CAMKMT: variants seen among roughly 807,000 people sequenced by gnomAD.
CAMKMT encodes the protein calmodulin-lysine N-methyltransferase, also known as CaM KMT.
CAMKMT carries 53 observed loss-of-function variants against 48.0 expected under a neutral mutation model. The observed-to-expected ratio is 1.10, with a 90% confidence interval of 0.89 to 1.39. The LOEUF is 1.39. CAMKMT is among the 40% of genes most tolerant of loss of function. The pLI, the probability that CAMKMT is intolerant of heterozygous loss-of-function variation, is 0.00. For synonymous variants in CAMKMT, 165 were observed against 152.3 expected (o/e 1.08, Z -0.61); for missense variants, 428 against 402.7 (o/e 1.06, Z -0.54).
chr2:44,667,540 C>G (rs1675066528), intron 3 of CAMKMT, among the ~76,000 whole-genome samples: 1 of 152,228 alleles, frequency 6.6e-6, no homozygotes, highest in Non-Finnish European at 1.5e-5. Context: ...GGCTCACTAT[C>G]TTCCTCTTTG....
rs1385100857 is a variant in CAMKMT, at chr2:44,627,528, GAA to G, written c.377-76749_377-76748del. Among the ~76,000 whole-genome samples, 7 of 151,814 alleles carry G rather than the reference GAA, an allele frequency of 4.6e-5. No homozygotes were observed. The East Asian group carries it at 1.2e-3, about 25-fold the overall frequency. On this transcript the variant is annotated intron_variant, in intron 3 of 10. Coordinates refer to ENST00000378494, the MANE Select transcript of CAMKMT (RefSeq NM_024766.5). ...CCATCTGAACCTGGAGTGTGTTTGG[GAA>G]AAAAAGTTTCGTTCACAGATTCAAT...
intron 8 of CAMKMT, among the ~76,000 whole-genome samples, chr2:44,753,562 G>A (rs775394578): frequency 4.6e-5 from 7 of 152,134 alleles, no homozygotes; most frequent in East Asian, 1.9e-4. Flanking sequence ...TAAGTCAGAC[G>A]TTGAATCTAA....
intron 3 of CAMKMT, among the ~76,000 whole-genome samples, chr2:44,535,368 A>T (rs7604006): frequency 0.71 from 108,231 of 152,004 alleles, 39,150 homozygotes; most frequent in Admixed American, 0.77. Context: ...AGGAGGGAAT[A>T]CTCCCCGACT....
intron 3 of CAMKMT, among the ~76,000 whole-genome samples, chr2:44,427,920 A>C (rs1025360573): frequency 2.0e-5 from 3 of 152,176 alleles, no homozygotes; most frequent in Non-Finnish European, 4.4e-5. Flanking sequence ...GAAAGGGAGC[A>C]TACAGGTGAG....
chr2:44,737,185 A>C (rs1008887460), intron 7 of CAMKMT, among the ~76,000 whole-genome samples: 2 of 152,090 alleles, frequency 1.3e-5, no homozygotes, highest in Non-Finnish European at 2.9e-5. Flanking sequence ...GCACAATCAC[A>C]GCTTACTACA....
At chr2:44,510,636 C>A (rs567797765) in intron 3 of CAMKMT, among the ~76,000 whole-genome samples, 24 of 152,292 alleles carry the variant, frequency 1.6e-4, no homozygotes, top group Admixed American at 1.0e-3. Flanking sequence ...TCCACTGATT[C>A]CATCGCCTAC....
At chr2:44,392,874 A>T (rs1209336996) in intron 3 of CAMKMT, among the ~76,000 whole-genome samples, 2 of 152,100 alleles carry the variant, frequency 1.3e-5, no homozygotes, top group African/African-American at 4.8e-5. Flanking sequence ...TTAAAGGACA[A>T]TTAGAATGAG....
At chr2:44,603,584 T>G (rs1012465735) in intron 3 of CAMKMT, among the ~76,000 whole-genome samples, 1 of 152,204 alleles carries the variant, frequency 6.6e-6, no homozygotes, top group Non-Finnish European at 1.5e-5. Context: ...TTTTTCTGCT[T>G]ACTTCACTAG....
chr2:44,562,888 C>A (rs574195527), intron 3 of CAMKMT, among the ~76,000 whole-genome samples: 1 of 152,270 alleles, frequency 6.6e-6, no homozygotes, highest in East Asian at 1.9e-4. Context: ...TATCATATTC[C>A]CATCTGCCTC....
At chr2:44,666,904 A>G (rs111244444) in intron 3 of CAMKMT, among the ~76,000 whole-genome samples, 2,494 of 152,292 alleles carry the variant, frequency 0.016, 76 homozygotes, top group African/African-American at 0.057. Context: ...TACCACGCCC[A>G]GCTATGTTCT....
chr2:44,542,356 C>G (rs1667161415), intron 3 of CAMKMT, among the ~76,000 whole-genome samples: 1 of 152,020 alleles, frequency 6.6e-6, no homozygotes. Flanking sequence ...AATTCTCAAA[C>G]CAGTACTTAC....
chr2:44,522,547 A>G (rs1425395416), intron 3 of CAMKMT, among the ~76,000 whole-genome samples: 1 of 152,136 alleles, frequency 6.6e-6, no homozygotes, highest in Admixed American at 6.5e-5. Flanking sequence ...AGATCTTCAG[A>G]AGTTCTTTTG....
chr2:44,526,726 T>A (rs1256535473), intron 3 of CAMKMT, among the ~76,000 whole-genome samples: 3 of 152,100 alleles, frequency 2.0e-5, no homozygotes, highest in Non-Finnish European at 4.4e-5. Context: ...TTTTTTACAG[T>A]CTACTGATTC....
chr2:44,477,388 C>CA (rs1174537814), intron 3 of CAMKMT, among the ~76,000 whole-genome samples: 1 of 152,112 alleles, frequency 6.6e-6, no homozygotes, highest in Non-Finnish European at 1.5e-5. Flanking sequence ...AACTTTGTAT[C>CA]AAATAAGTTT....
intron 3 of CAMKMT, among the ~76,000 whole-genome samples, chr2:44,666,584 A>G (rs932129827): frequency 6.8e-6 from 1 of 146,364 alleles, no homozygotes; most frequent in African/African-American, 2.6e-5. Context: ...CTGAACTTGT[A>G]TTTTGATCTC....
chr2:44,624,571 T>A (rs932857837), intron 3 of CAMKMT, among the ~76,000 whole-genome samples: 1 of 152,054 alleles, frequency 6.6e-6, no homozygotes, highest in African/African-American at 2.4e-5. Context: ...AGTGAGAACA[T>A]GCGGTGTTTG....
At chr2:44,623,047 G>T (rs1672285722) in intron 3 of CAMKMT, among the ~76,000 whole-genome samples, 1 of 151,950 alleles carries the variant, frequency 6.6e-6, no homozygotes, top group Admixed American at 6.6e-5. Flanking sequence ...GTGTGAGATG[G>T]TATGTCGGTG....
chr2:44,727,775 A>T (rs1033198402), intron 7 of CAMKMT, among the ~76,000 whole-genome samples: 1 of 152,148 alleles, frequency 6.6e-6, no homozygotes, highest in African/African-American at 2.4e-5. Flanking sequence ...ATTTTGAGGT[A>T]TGTTCCTTCT....
At chr2:44,677,818 C>T (rs1195206562) in intron 3 of CAMKMT, among the ~76,000 whole-genome samples, 1 of 152,074 alleles carries the variant, frequency 6.6e-6, no homozygotes, top group African/African-American at 2.4e-5. Context: ...TTCCAATCTC[C>T]TTGCTCTTGG....
Sources: gnomAD v4.1 joint callset for allele counts (sites outside exome capture counted in the v4.1 genomes callset) on GRCh38, gnomAD v4.1.1 for gene constraint, MANE v1.5 for transcripts, NCBI Gene and HGNC (gene_info 2026-07-23, HGNC 2026-07-21) for gene names.